The following DGKH variants were observed in gnomAD, a reference collection of about 807,000 sequenced individuals.
DGKH encodes diacylglycerol kinase eta.
Under a neutral mutation model 159.3 loss-of-function variants are expected in DGKH, and 90 were observed. The ratio of observed to expected loss-of-function variants is 0.57; its 90% CI spans 0.48 to 0.67. The LOEUF (loss-of-function observed/expected upper bound fraction) is 0.67. Ranked by LOEUF, DGKH falls within the 30% of genes least tolerant of loss-of-function variation. The pLI, the probability that DGKH is intolerant of heterozygous loss-of-function variation, is 0.00. For missense variants in DGKH, 1,181 were observed against 1,506.1 expected (o/e 0.78, Z 3.57); for synonymous variants, 536 against 553.8 (o/e 0.97, Z 0.45).
intron 13 of DGKH, among the ~76,000 whole-genome samples, chr13:42,178,616 A>G (rs187558014): frequency 1.1e-4 from 17 of 152,324 alleles, no homozygotes; most frequent in African/African-American, 3.6e-4. Flanking sequence ...AAGGAAAATG[A>G]TGAGATTTTT....
intron 30 of DGKH, chr13:42,256,155 C>T: frequency 8.3e-7 from 1 of 1,198,382 alleles, no homozygotes; most frequent in Non-Finnish European, 1.2e-6. Context: ...ATGGTTGTAG[C>T]CCAAGTCATG....
At chr13:42,180,028 G>A (rs1956711630) in intron 13 of DGKH, among the ~76,000 whole-genome samples, 1 of 152,162 alleles carries the variant, frequency 6.6e-6, no homozygotes, top group Non-Finnish European at 1.5e-5. Context: ...ACTATAAAAA[G>A]TGGCCAGTTA....
intron 5 of DGKH, among the ~76,000 whole-genome samples, 186 bp downstream of exon 5, chr13:42,155,985 C>A (rs1012975699): frequency 3.3e-5 from 5 of 151,432 alleles, no homozygotes; most frequent in Non-Finnish European, 7.4e-5. Context: ...GCATTTCACC[C>A]CCAAGAAACT....
intron 3 of DGKH, among the ~76,000 whole-genome samples, chr13:42,141,137 G>A (rs1955547599): frequency 6.8e-6 from 1 of 147,706 alleles, no homozygotes; most frequent in Admixed American, 6.9e-5. Context: ...CCACCTATGA[G>A]TGAGAACATG....
At chr13:42,103,039 C>T (rs909048288) in intron 1 of DGKH, among the ~76,000 whole-genome samples, 1 of 152,180 alleles carries the variant, frequency 6.6e-6, no homozygotes, top group Non-Finnish European at 1.5e-5. Context: ...TGAAGAGAAG[C>T]AGCAGGAATT....
intron 13 of DGKH, among the ~76,000 whole-genome samples, chr13:42,184,788 G>C (rs1353351837): frequency 1.3e-5 from 2 of 151,818 alleles, no homozygotes; most frequent in African/African-American, 4.8e-5. Context: ...GATCACTTGA[G>C]CCCAGGAGTT....
In DGKH at chr13:42,111,775, C is replaced by T. The variant is rs571247629; in HGVS notation, c.193-15688C>T. Among the ~76,000 whole-genome samples the T allele has an allele frequency of 2.6e-5, 4 of 152,224 alleles. No homozygotes were observed. In the South Asian group the frequency reaches 8.3e-4, roughly 32 times the overall value. ...CTGTGCATTTCTTGGGCATACATTC[C>T]CTCAATTAGGTCTCGCGGGGCAGAC... On this transcript the variant is annotated intron_variant, in intron 1 of 29. Transcript: ENST00000337343.
intron 3 of DGKH, among the ~76,000 whole-genome samples, chr13:42,130,808 G>A (rs767975607): frequency 2.6e-5 from 4 of 151,910 alleles, no homozygotes; most frequent in African/African-American, 7.3e-5. Context: ...ATTCCTCCCC[G>A]TCTCCCCTGA....
At position 42,207,074 on chromosome 13, in the gene DGKH, T is replaced by C. The variant is rs347408; in HGVS notation, c.2601+928T>C. On this transcript the variant is annotated intron_variant, in intron 21 of 29. Transcript: ENST00000337343. Reference sequence around the variant, plus strand: ...CCTTCTTTCCTTCCTTCTTTCTTTCTTTCTTTCTTTCTTTCTTTCTTTCTT... The same window carrying C: ...CCTTCTTTCCTTCCTTCTTTCTTTCCTTCTTTCTTTCTTTCTTTCTTTCTT... Among the ~76,000 whole-genome samples, 67 of 115,056 alleles carry C rather than the reference T, an allele frequency of 5.8e-4. 2 individuals carry two copies. The highest frequency in any genetic ancestry group is 9.1e-4 in the African/African-American group (27 of 29,534). 75.5% of individuals were successfully genotyped at this position (115,056 alleles called of 152,430 possible).
chr13:42,217,553 G>C (rs2209514), intron 26 of DGKH, among the ~76,000 whole-genome samples: 1 of 151,402 alleles, frequency 6.6e-6, no homozygotes, highest in African/African-American at 2.4e-5. Context: ...AAGAATCTCC[G>C]TATTTTTAAT....
At chr13:42,203,097 AC>A (rs904517443) in intron 20 of DGKH, among the ~76,000 whole-genome samples, 12 of 152,268 alleles carry the variant, frequency 7.9e-5, no homozygotes, top group Non-Finnish European at 1.5e-4. Context: ...TTTTTAAAAA[AC>A]AAAATAAATT....
At chr13:42,246,332 C>T (rs1043838648), downstream of DGKH, among the ~76,000 whole-genome samples, 1 of 151,942 alleles carries the variant, frequency 6.6e-6, no homozygotes, top group Non-Finnish European at 1.5e-5. Flanking sequence ...ACCTGTAATC[C>T]CTGCAGTTTG....
chr13:42,116,526 A>C (rs1271291449), intron 1 of DGKH, among the ~76,000 whole-genome samples: 1 of 152,166 alleles, frequency 6.6e-6, no homozygotes, highest in Non-Finnish European at 1.5e-5. Flanking sequence ...CACTTTACAC[A>C]CCTGTTTAAC....
intron 11 of DGKH, among the ~76,000 whole-genome samples, chr13:42,171,484 C>T (rs1432894492): frequency 1.3e-5 from 2 of 152,196 alleles, no homozygotes; most frequent in African/African-American, 4.8e-5. Flanking sequence ...TTAGCTCCAA[C>T]CATTTCCTAT....
chr13:42,119,866 C>G (rs1226473232), intron 1 of DGKH, among the ~76,000 whole-genome samples: 1 of 151,862 alleles, frequency 6.6e-6, no homozygotes, highest in African/African-American at 2.4e-5. Context: ...ATTTTTATAC[C>G]TCTTATTTTT....
intron 26 of DGKH, 52 bp from the exon 27 acceptor site, chr13:42,219,178 G>A: frequency 6.2e-7 from 1 of 1,607,636 alleles, no homozygotes; most frequent in South Asian, 1.1e-5. Flanking sequence ...TTCTACGTGA[G>A]GCTGGCCACT....
intron 1 of DGKH, among the ~76,000 whole-genome samples, chr13:42,064,051 A>G (rs1264124845): frequency 1.3e-5 from 2 of 152,146 alleles, no homozygotes; most frequent in Admixed American, 6.6e-5. Context: ...CAATGTCCTT[A>G]TATATGCGAG....
At chr13:42,135,489 C>CACAAAAAAAAAAAAAAAA (rs1223953901) in intron 3 of DGKH, among the ~76,000 whole-genome samples, 16 of 50,934 alleles carry the variant, frequency 3.1e-4, no homozygotes, top group Admixed American at 9.8e-4. Context: ...GACCCTGTCT[C>CACAAAAAAAAAAAAAAAA]AGAAAAAAAA....
chr13:42,085,130 A>C (rs1011818851), intron 1 of DGKH, among the ~76,000 whole-genome samples: 1 of 152,224 alleles, frequency 6.6e-6, no homozygotes, highest in Non-Finnish European at 1.5e-5. Flanking sequence ...TGATATAAAA[A>C]CAGCTGAGAC....
Sources: allele counts gnomAD v4.1 joint callset (sites outside exome capture counted in the v4.1 genomes callset), GRCh38; gene constraint gnomAD v4.1.1; transcripts MANE v1.5; gene names NCBI Gene and HGNC (gene_info 2026-07-23, HGNC 2026-07-21).